TAB2: variants seen among roughly 807,000 people sequenced by gnomAD.
TAB2 encodes the protein TGF-beta-activated kinase 1 and MAP3K7-binding protein 2.
In TAB2, 3 loss-of-function variants were observed where a neutral mutation model predicts 65.0. That is an observed-to-expected ratio of 0.05 (90% CI 0.02 to 0.12). The LOEUF is 0.12. Among genes scored for constraint, TAB2 ranks in the 10% least tolerant of loss-of-function variants. The probability of loss-of-function intolerance (pLI) is 1.00; values close to 1 mark genes in which losing one functional copy is unlikely to be tolerated. For missense variants in TAB2, 623 were observed against 840.3 expected (o/e 0.74, Z 3.20); for synonymous variants, 298 against 285.1 (o/e 1.05, Z -0.46).
intron 1 of TAB2, among the ~76,000 whole-genome samples, chr6:149,293,470 T>C (rs1263773724): frequency 6.6e-6 from 1 of 152,212 alleles, no homozygotes; most frequent in African/African-American, 2.4e-5. Context: ...GGTTTTCTGG[T>C]TTCAAAATAG....
At chr6:149,388,399 A>T (rs1781871234) in intron 3 of TAB2, among the ~76,000 whole-genome samples, 1 of 152,236 alleles carries the variant, frequency 6.6e-6, no homozygotes. Flanking sequence ...AGAGAGCCAG[A>T]AGAATGTGGG....
At chr6:149,403,620 C>G (rs1233366098) in intron 6 of TAB2, among the ~76,000 whole-genome samples, 2 of 151,808 alleles carry the variant, frequency 1.3e-5, no homozygotes, top group Non-Finnish European at 2.9e-5. Context: ...GCTCACAGTT[C>G]TGCAGAAAGC....
At chr6:149,238,263 C>T (rs1777536211) in intron 1 of TAB2, among the ~76,000 whole-genome samples, 1 of 152,152 alleles carries the variant, frequency 6.6e-6, no homozygotes, top group Non-Finnish European at 1.5e-5. Flanking sequence ...TTCCAAGACC[C>T]CCTGGCATCT....
At chr6:149,270,560 A>G (rs1230698476) in intron 1 of TAB2, among the ~76,000 whole-genome samples, 1 of 152,204 alleles carries the variant, frequency 6.6e-6, no homozygotes, top group Non-Finnish European at 1.5e-5. Flanking sequence ...GAACATGTTA[A>G]TTAGCTAGAT....
chr6:149,381,569 C>CTTTTTTTT (rs557951574), intron 3 of TAB2, among the ~76,000 whole-genome samples: 1 of 95,558 alleles, frequency 1.0e-5, no homozygotes, highest in Non-Finnish European at 2.0e-5. Context: ...CCCTCCTATT[C>CTTTTTTTT]TTTTTTTTTT....
upstream of TAB2, among the ~76,000 whole-genome samples, chr6:149,316,884 G>A (rs969246442): frequency 2.0e-5 from 3 of 151,950 alleles, no homozygotes; most frequent in Non-Finnish European, 4.4e-5. Context: ...CTCCCAAGAC[G>A]TCTCCCGCAC....
Position 149,357,428 on chromosome 6 carries a change from AAAAC to A in TAB2, c.-89-12479_-89-12476del, listed in dbSNP as rs1197228416. On this transcript the variant is annotated intron_variant, in intron 1 of 6. Transcript: ENST00000637181. Reference sequence around the variant, plus strand: ...GAGACTCCGTCTCAAGGAGAAAAAAAAAACACACACACACACACACACACACACA... The same window carrying A: ...GAGACTCCGTCTCAAGGAGAAAAAAAACACACACACACACACACACACACA... Among the ~76,000 whole-genome samples, 57 of 65,594 alleles carry A rather than the reference AAAAC, an allele frequency of 8.7e-4. 1 individual carries two copies. Among genetic ancestry groups the A allele is most frequent in the South Asian group, 3.2e-3 (5 of 1,564 alleles). The allele number at this position is 65,594 out of a possible 152,430, so 43.0% of individuals were successfully genotyped here. A position where few individuals can be genotyped will look rare whatever the true frequency, so the allele number is the denominator to read the frequency against.
intron 3 of TAB2, among the ~76,000 whole-genome samples, chr6:149,394,183 C>G (rs753730077): frequency 3.6e-4 from 54 of 151,998 alleles, no homozygotes; most frequent in Admixed American, 8.5e-4. Context: ...TTCACTGATT[C>G]TTCTGTGTCC....
At chr6:149,317,052 C>A (rs1290795918), upstream of TAB2, among the ~76,000 whole-genome samples, 2 of 150,344 alleles carry the variant, frequency 1.3e-5, no homozygotes, top group African/African-American at 4.9e-5. This position sits in a 1 kb window ranked among gnomAD's most constrained non-coding sequence, Gnocchi z 4.7. Context: ...CCGGCCGGGC[C>A]CCCGGACCCC....
rs761105159 is a variant in TAB2 at position 149,379,493 on chromosome 6, A to G, written c.1578A>G (p.Gly526=). Residue 526 remains glycine, a synonymous_variant, in exon 3 of 7, where the codon GGA becomes GGG. Coordinates refer to ENST00000637181, the MANE Select transcript of TAB2 (RefSeq NM_001292034.3). The part of the protein sequence containing the change: ...RISETRKLSM[G]SDDAAYTQAL... ...GTGAAACACGGAAACTGAGTATGGG[A>G]TCTGATGATGCTGCCTACACACAAG... 3.7e-6 allele frequency: 6 copies of G among 1,614,180 alleles called. No individual in the cohort carries two copies. Among genetic ancestry groups the G allele is most frequent in the Non-Finnish European group, 5.1e-6 (6 of 1,180,028 alleles).
At chr6:149,247,126 C>T (rs1452205985) in intron 1 of TAB2, 1 of 152,310 alleles carries the variant, frequency 6.6e-6, no homozygotes, top group African/African-American at 2.4e-5. Flanking sequence ...CCAAGGCTAT[C>T]CACTCCCAAC....
Position 149,357,430 on chromosome 6 carries a change from A to AAAAAAACAC in TAB2, c.-89-12478_-89-12477insAAAAACACA. On this transcript the variant is annotated intron_variant, in intron 1 of 6. Transcript: ENST00000637181. ...GACTCCGTCTCAAGGAGAAAAAAAA[A>AAAAAAACAC]ACACACACACACACACACACACACA... Among the ~76,000 whole-genome samples the AAAAAAACAC allele has an allele frequency of 4.7e-3, 519 of 111,134 alleles. 5 individuals carry two copies. Among genetic ancestry groups the AAAAAAACAC allele is most frequent in the Non-Finnish European group, 6.5e-3 (362 of 56,004 alleles). 72.9% of individuals were successfully genotyped at this position (111,134 alleles called of 152,430 possible).
At position 149,384,420 on chromosome 6, in the gene TAB2, C is replaced by T. The variant is rs368263905; in HGVS notation, c.1603+4902C>T. Among the ~76,000 whole-genome samples the T allele has an allele frequency of 9.2e-5, 14 of 152,288 alleles. No homozygotes were observed. The East Asian group carries it at 1.2e-3, about 13-fold the overall frequency. The stretch of plus-strand genomic sequence containing the variant: ...AATGAAACATCAAGACCCCACTCAT[C>T]TCAGCACTAAGTCTGTCAGCACCAC... On this transcript the variant is annotated intron_variant, in intron 3 of 6. Coordinates refer to ENST00000637181, the MANE Select transcript of TAB2 (RefSeq NM_001292034.3).
chr6:149,291,928 A>G lies in TAB2; in HGVS notation c.-121+73152A>G, dbSNP rs907081348. 1.9e-3 allele frequency among the ~76,000 whole-genome samples: 294 copies of G among 152,310 alleles called. 7 individuals are homozygous for G. The highest frequency in any genetic ancestry group is 3.4e-4 in the Non-Finnish European group (23 of 68,010). On this transcript the variant is annotated intron_variant, in intron 1 of 1. Transcript: ENST00000606202. ...TTAGATTTCTAGGAGAATGAGTACTAATCACAGTGATGTTGCTGGTCATAT... is the reference window on the plus strand; with the variant it reads ...TTAGATTTCTAGGAGAATGAGTACTGATCACAGTGATGTTGCTGGTCATAT...
intron 6 of TAB2, among the ~76,000 whole-genome samples, chr6:149,399,545 G>A (rs237026): frequency 0.63 from 94,811 of 151,296 alleles, 32,173 homozygotes; most frequent in African/African-American, 0.9. Flanking sequence ...CCCCCCATGA[G>A]TATTTAGTTT....
chr6:149,290,601 T>C (rs754608983), intron 1 of TAB2, among the ~76,000 whole-genome samples: 12 of 152,314 alleles, frequency 7.9e-5, no homozygotes, highest in Middle Eastern at 3.4e-3. Flanking sequence ...ACCAGCACTC[T>C]GGGAGGCCAA....
intron 1 of TAB2, among the ~76,000 whole-genome samples, chr6:149,290,021 A>G (rs1303238127): frequency 6.6e-6 from 1 of 152,174 alleles, no homozygotes; most frequent in Non-Finnish European, 1.5e-5. Flanking sequence ...GGAGACCAAG[A>G]TTTTATCATG....
chr6:149,377,641 A>T (rs909737792), intron 2 of TAB2, among the ~76,000 whole-genome samples: 4 of 152,256 alleles, frequency 2.6e-5, no homozygotes, highest in Non-Finnish European at 5.9e-5. Context: ...TTAGCTTTTT[A>T]AAAAATGTTT....
chr6:149,400,676 C>G, intron 6 of TAB2: 1 of 1,613,548 alleles, frequency 6.2e-7, no homozygotes, highest in Non-Finnish European at 8.5e-7. Flanking sequence ...GAGGTGTCTA[C>G]TGAAAAGGGA....
Sources: gnomAD v4.1 joint callset for allele counts (sites outside exome capture counted in the v4.1 genomes callset) on GRCh38, gnomAD v4.1.1 for gene constraint, Gnocchi (gnomAD v3.1) non-coding constraint, MANE v1.5 for transcripts, NCBI Gene and HGNC (gene_info 2026-07-23, HGNC 2026-07-21) for gene names.